Variants in HTR1F observed in about 807,000 individuals in gnomAD.
HTR1F encodes the protein 5-hydroxytryptamine receptor 1F.
In HTR1F, 17 loss-of-function variants were observed where a neutral mutation model predicts 24.0. That is an observed-to-expected ratio of 0.71 (90% CI 0.48 to 1.06). HTR1F has a LOEUF of 1.06. Among genes scored for constraint, HTR1F ranks in the 50% least tolerant of loss-of-function variants. HTR1F has a pLI of 0.00. For synonymous variants in HTR1F, 186 were observed against 156.8 expected (o/e 1.19, Z -1.39); for missense variants, 391 against 427.8 (o/e 0.91, Z 0.76).
intron 2 of HTR1F, among the ~76,000 whole-genome samples, chr3:87,877,778 C>T (rs1705703324): frequency 6.6e-6 from 1 of 152,164 alleles, no homozygotes; most frequent in Non-Finnish European, 1.5e-5. Context: ...ATGTGTAAAG[C>T]AGGCTTGCAC....
At chr3:87,948,391 C>T (rs1704759667) in intron 2 of HTR1F, among the ~76,000 whole-genome samples, 1 of 152,110 alleles carries the variant, frequency 6.6e-6, no homozygotes, top group African/African-American at 2.4e-5. Flanking sequence ...TGTTAAATTA[C>T]TTCTTCATAA....
chr3:87,824,721 G>A (rs1008967734), intron 2 of HTR1F, among the ~76,000 whole-genome samples: 1 of 152,142 alleles, frequency 6.6e-6, no homozygotes, highest in Non-Finnish European at 1.5e-5. Flanking sequence ...GTATAGGTGT[G>A]CTTTCATAAG....
intron 2 of HTR1F, among the ~76,000 whole-genome samples, chr3:87,935,348 T>C (rs1319364982): frequency 6.6e-6 from 1 of 152,230 alleles, no homozygotes; most frequent in East Asian, 1.9e-4. Flanking sequence ...CTGCATTGCA[T>C]TGACTGCTCT....
At chr3:87,928,047 CTTT>C (rs5850817) in intron 2 of HTR1F, among the ~76,000 whole-genome samples, 11 of 131,368 alleles carry the variant, frequency 8.4e-5, no homozygotes, top group Admixed American at 3.0e-4. Flanking sequence ...AATATCTTTG[CTTT>C]TTTTTTTTTT....
At chr3:87,812,438 AG>A (rs1269817472) in intron 1 of HTR1F, among the ~76,000 whole-genome samples, 1 of 2,996 alleles carries the variant, frequency 3.3e-4, no homozygotes. Context: ...CCCCTGCCCT[AG>A]GGAATCTGTG....
At position 87,849,725 on chromosome 3, in the gene HTR1F, T is replaced by C. The variant is rs534605544; in HGVS notation, c.-43+27601T>C. Among the ~76,000 whole-genome samples, 553 of 151,988 alleles carry C rather than the reference T, an allele frequency of 3.6e-3. 10 individuals are homozygous for C. The highest frequency in any genetic ancestry group is 0.013 in the African/African-American group (519 of 41,280). On this transcript the variant is annotated intron_variant, in intron 2 of 2. Coordinates refer to ENST00000319595, the MANE Select transcript of HTR1F (RefSeq NM_001322209.2). ...ATCTACTCATCTGACAAAGGGCTAA[T>C]ATCCAGAATCTACAATGAACTCAAA...
At chr3:87,934,891 A>G (rs1033900444) in intron 2 of HTR1F, among the ~76,000 whole-genome samples, 34 of 152,306 alleles carry the variant, frequency 2.2e-4, no homozygotes, top group African/African-American at 8.2e-4. Context: ...TTTGAGACAG[A>G]GTCTCACTTT....
At chr3:87,881,921 C>T (rs1367442108) in intron 2 of HTR1F, among the ~76,000 whole-genome samples, 2 of 152,078 alleles carry the variant, frequency 1.3e-5, no homozygotes, top group Admixed American at 1.3e-4. Flanking sequence ...AGTGAACAGG[C>T]AACCCACAAA....
chr3:87,961,486 G>T (rs749274257), intron 2 of HTR1F, among the ~76,000 whole-genome samples: 21 of 151,930 alleles, frequency 1.4e-4, no homozygotes, highest in Admixed American at 2.6e-4. Flanking sequence ...CTTCAGCTGG[G>T]CTTCGTGGCT....
intron 2 of HTR1F, among the ~76,000 whole-genome samples, chr3:87,977,100 A>C (rs1053306978): frequency 6.6e-6 from 1 of 152,186 alleles, no homozygotes; most frequent in Non-Finnish European, 1.5e-5. Flanking sequence ...ATCCCCTTAC[A>C]TATTGTAGAA....
Position 87,979,893 on chromosome 3 carries a change from G to A in HTR1F, c.-42-10815G>A, listed in dbSNP as rs148850564. On this transcript the variant is annotated intron_variant, in intron 2 of 2. Coordinates refer to ENST00000319595, the MANE Select transcript of HTR1F (RefSeq NM_001322209.2). ...TCTGCAAGCAGCTTCTGCTGTGGGCGCCCATATCTAAATGAGGAGAATGCA... is the reference window on the plus strand; with the variant it reads ...TCTGCAAGCAGCTTCTGCTGTGGGCACCCATATCTAAATGAGGAGAATGCA... 2.4e-3 allele frequency among the ~76,000 whole-genome samples: 364 copies of A among 152,342 alleles called. 1 individual carries two copies. The highest frequency in any genetic ancestry group is 7.6e-3 in the African/African-American group (315 of 41,588).
intron 2 of HTR1F, among the ~76,000 whole-genome samples, chr3:87,961,337 G>A (rs1218262799): frequency 2.0e-5 from 3 of 152,032 alleles, no homozygotes; most frequent in African/African-American, 7.2e-5. Context: ...ACCCCATTCC[G>A]AGCCAACTCT....
intron 2 of HTR1F, among the ~76,000 whole-genome samples, chr3:87,985,336 C>CA (rs11337146): frequency 1.9e-4 from 27 of 144,374 alleles, no homozygotes; most frequent in African/African-American, 3.8e-4. Flanking sequence ...ACCTCCATCT[C>CA]AAAAAAAAAA....
chr3:87,814,929 G>A (rs1243006178), intron 1 of HTR1F, among the ~76,000 whole-genome samples: 1 of 152,090 alleles, frequency 6.6e-6, no homozygotes, highest in Non-Finnish European at 1.5e-5. Flanking sequence ...CACCAAAGGA[G>A]GAAGTCAGTA....
At chr3:87,854,296 T>C (rs1418515139) in intron 2 of HTR1F, among the ~76,000 whole-genome samples, 2 of 151,998 alleles carry the variant, frequency 1.3e-5, no homozygotes, top group Non-Finnish European at 2.9e-5. Context: ...CTTGAATGTA[T>C]TTATTTGTGT....
intron 2 of HTR1F, among the ~76,000 whole-genome samples, chr3:87,986,257 C>A (rs1222843152): frequency 6.6e-6 from 1 of 152,158 alleles, no homozygotes; most frequent in African/African-American, 2.4e-5. Context: ...TTACATTTCT[C>A]ATTGTAAATA....
In HTR1F at chr3:87,849,599, T is replaced by C. The variant is rs1035564922; in HGVS notation, c.-43+27475T>C. Among the ~76,000 whole-genome samples, 28 of 151,814 alleles carry C rather than the reference T, an allele frequency of 1.8e-4. No individual in the cohort carries two copies. The East Asian group carries it at 5.2e-3, about 28-fold the overall frequency. On this transcript the variant is annotated intron_variant, in intron 2 of 2. Transcript: ENST00000319595. ...AAAGCAATGGCAACAAAAGACAAAA[T>C]TGACAAATGGGATCTAATTAAACTA...
intron 2 of HTR1F, among the ~76,000 whole-genome samples, chr3:87,960,553 G>A (rs1705038605): frequency 6.6e-6 from 1 of 151,918 alleles, no homozygotes; most frequent in Admixed American, 6.6e-5. Context: ...CTGATTATGT[G>A]ACAATAAACA....
chr3:87,968,049 C>A (rs1027946069), intron 2 of HTR1F, among the ~76,000 whole-genome samples: 38 of 152,248 alleles, frequency 2.5e-4, no homozygotes, highest in African/African-American at 8.9e-4. Context: ...ACAATAAAGT[C>A]CAGGCTGAAG....
Sources: allele counts gnomAD v4.1 joint callset (sites outside exome capture counted in the v4.1 genomes callset), GRCh38; gene constraint gnomAD v4.1.1; transcripts MANE v1.5; gene names NCBI Gene and HGNC (gene_info 2026-07-23, HGNC 2026-07-21).